The following USP48 variants were observed in gnomAD, a reference collection of about 807,000 sequenced individuals.
USP48 encodes ubiquitin specific peptidase 48.
In USP48, 43 loss-of-function variants were observed where a neutral mutation model predicts 150.7. The observed-to-expected ratio is 0.29, with a 90% CI of 0.22 to 0.37. The LOEUF (loss-of-function observed/expected upper bound fraction) is 0.37. Among genes scored for constraint, USP48 ranks in the 10% least tolerant of loss-of-function variants. The pLI is 1.00. For synonymous variants in USP48, 396 were observed against 425.9 expected (o/e 0.93, Z 0.86); for missense variants, 813 against 1,249.6 (o/e 0.65, Z 5.27).
Position 21,739,529 on chromosome 1 carries a change from A to C in USP48, c.992-2904T>G, listed in dbSNP as rs2097776476. ...GCAAGACTCCGTCTCAAAAAAAAAA[A>C]AAAAAAAAAAAAAAAAGACAAATAA... On this transcript the variant is annotated intron_variant, in intron 8 of 26. Transcript: ENST00000308271. Among the ~76,000 whole-genome samples the C allele has an allele frequency of 1.3e-5, 2 of 151,036 alleles. 1 individual carries two copies. Among genetic ancestry groups the C allele is most frequent in the Non-Finnish European group, 3.0e-5 (2 of 67,700 alleles).
intron 1 of USP48, among the ~76,000 whole-genome samples, chr1:21,776,770 A>G (rs1462191965): frequency 2.6e-5 from 4 of 152,070 alleles, no homozygotes; most frequent in Admixed American, 6.6e-5. Context: ...CCTGGCCAAT[A>G]TGGCAAAACC....
chr1:21,761,813 T>G (rs1485478190), intron 1 of USP48, among the ~76,000 whole-genome samples: 2 of 152,084 alleles, frequency 1.3e-5, no homozygotes, highest in Non-Finnish European at 2.9e-5. Context: ...TTCGACCAAT[T>G]TAAGAACAGT....
intron 20 of USP48, among the ~76,000 whole-genome samples, chr1:21,703,823 C>T (rs2097664479): frequency 6.6e-6 from 1 of 152,212 alleles, no homozygotes; most frequent in Non-Finnish European, 1.5e-5. Flanking sequence ...CCTCAAGCTT[C>T]TGGGCTCAAG....
chr1:21,682,094 TAAG>T (rs1367794527), intron 25 of USP48, among the ~76,000 whole-genome samples: 7 of 152,328 alleles, frequency 4.6e-5, no homozygotes, highest in East Asian at 1.9e-4. Flanking sequence ...ATTTAATGTT[TAAG>T]AAGAAGAACA....
Position 21,695,056 on chromosome 1 carries a change from T to C in USP48, c.2883+10A>G, listed in dbSNP as rs1268023078. On this transcript the variant is annotated intron_variant, in intron 23 of 26. Transcript: ENST00000308271. ...AGTCCAGAGCAAACTTGAACAAATG[T>C]TTCCCTCACCTGAATTTTCAATTCT... 6.2e-7 allele frequency: 1 copy of C among 1,606,160 alleles called. No homozygotes were observed. The highest frequency in any genetic ancestry group is 8.5e-7 in the Non-Finnish European group (1 of 1,177,176).
chr1:21,710,425 C>T (rs1322216428), intron 15 of USP48, among the ~76,000 whole-genome samples: 3 of 152,138 alleles, frequency 2.0e-5, no homozygotes, highest in African/African-American at 7.2e-5. Context: ...CAAAACAAAA[C>T]ACAGCCCATC....
intron 25 of USP48, among the ~76,000 whole-genome samples, chr1:21,684,256 C>G (rs189604063): frequency 4.6e-5 from 7 of 152,108 alleles, no homozygotes; most frequent in Admixed American, 2.0e-4. Flanking sequence ...ACCAAAAGTC[C>G]GTATAAGAGT....
intron 1 of USP48, among the ~76,000 whole-genome samples, chr1:21,767,362 G>C (rs1167099578): frequency 6.6e-6 from 1 of 152,076 alleles, no homozygotes; most frequent in Admixed American, 6.6e-5. Flanking sequence ...TGTTGCCCAG[G>C]CTAGAGTGCA....
rs1354601786 is a variant in USP48, at chr1:21,751,492, C to A, written c.774+15G>T. The A allele has an allele frequency of 6.3e-7, 1 of 1,599,396 alleles. No individual in the cohort carries two copies. Among genetic ancestry groups the A allele is most frequent in the Non-Finnish European group, 8.6e-7 (1 of 1,167,526 alleles). ...TTAATGGGCAGGAACAATACATACA[C>A]CAAAATTTGAATACCTTCAAAAATT... On this transcript the variant is annotated intron_variant, in intron 6 of 26. Coordinates refer to ENST00000308271, the MANE Select transcript of USP48 (RefSeq NM_032236.8).
chr1:21,747,094 C>A lies in USP48; in HGVS notation c.964G>T (p.Asp322Tyr), dbSNP rs1002298847. The A allele has an allele frequency of 6.2e-7, 1 of 1,611,982 alleles. No individual in the cohort carries two copies. Among genetic ancestry groups the A allele is most frequent in the African/African-American group, 1.3e-5 (1 of 74,864 alleles). Residue 322 changes from aspartate to tyrosine, a missense_variant, in exon 8 of 27, where the codon GAT (aspartate) becomes TAT (tyrosine). Coordinates refer to ENST00000308271, the MANE Select transcript of USP48 (RefSeq NM_032236.8). ...NTYIGFSEILDMEPYVEHKGG... is the reference protein window; with the variant it reads ...NTYIGFSEILYMEPYVEHKGG... ...TTATGTTCCACATAAGGCTCCATAT[C>A]CAAAATTTCTGAGAAGCCAATGTAG...
intron 8 of USP48, among the ~76,000 whole-genome samples, chr1:21,745,276 A>G (rs2097791932): frequency 6.6e-6 from 1 of 152,142 alleles, no homozygotes; most frequent in Non-Finnish European, 1.5e-5. Flanking sequence ...AAATGAGTAG[A>G]TAATATTTAT....
At chr1:21,779,875 T>A (rs1364943583) in intron 1 of USP48, among the ~76,000 whole-genome samples, 1 of 152,112 alleles carries the variant, frequency 6.6e-6, no homozygotes, top group Non-Finnish European at 1.5e-5. Context: ...ATGCATCACT[T>A]CACACCCAAG....
chr1:21,699,329 GC>G (rs1411430965), intron 22 of USP48, among the ~76,000 whole-genome samples: 30 of 150,118 alleles, frequency 2.0e-4, no homozygotes, highest in Non-Finnish European at 5.9e-5. Flanking sequence ...CTCTCGAGTA[GC>G]TGGGACTACA....
chr1:21,711,207 T>C (rs2097689238), intron 15 of USP48, among the ~76,000 whole-genome samples: 1 of 152,080 alleles, frequency 6.6e-6, no homozygotes, highest in Non-Finnish European at 1.5e-5. Context: ...AAAAATTAAC[T>C]CTAAGTTGGC....
chr1:21,709,942 C>T (rs1257361831), intron 15 of USP48, among the ~76,000 whole-genome samples: 1 of 151,850 alleles, frequency 6.6e-6, no homozygotes, highest in African/African-American at 2.4e-5. Flanking sequence ...ATAATTACTA[C>T]CATAGTAGTT....
intron 21 of USP48, among the ~76,000 whole-genome samples, chr1:21,701,907 C>T (rs1295657504): frequency 2.0e-5 from 3 of 152,132 alleles, no homozygotes; most frequent in Non-Finnish European, 4.4e-5. Context: ...TGCAGAAGTT[C>T]GAAGGTGCTT....
At position 21,721,160 on chromosome 1, in the gene USP48, A is replaced by G. The variant is rs2097719726; in HGVS notation, c.1770T>C (p.Asp590=). ...NLLKAAVKGS[D]GFWVGKSSLR... ...AGGAGGACTTCCCCACCCAAAATCC[A>G]TCGCTGCTGTGGAACAGAGAGAATG... Residue 590 remains aspartate (D), a synonymous_variant, in exon 14 of 27, where the codon GAT becomes GAC. Coordinates refer to ENST00000308271, the MANE Select transcript of USP48 (RefSeq NM_032236.8). The G allele has an allele frequency of 6.2e-7, 1 of 1,614,202 alleles. No homozygotes were observed. Among genetic ancestry groups the G allele is most frequent in the Non-Finnish European group, 8.5e-7 (1 of 1,180,020 alleles).
chr1:21,695,344 A>C (rs747493688), intron 22 of USP48, 123 bp from the exon 23 acceptor site: 1 of 1,035,432 alleles, frequency 9.7e-7, no homozygotes, highest in Non-Finnish European at 1.3e-6. Context: ...TTGAAATTCA[A>C]TGTAAACAAT....
intron 8 of USP48, among the ~76,000 whole-genome samples, chr1:21,746,303 C>T (rs2097794399): frequency 6.6e-6 from 1 of 152,074 alleles, no homozygotes; most frequent in Admixed American, 6.5e-5. Context: ...AGTTTGAGAC[C>T]AGCTTGGCCA....
Sources: allele counts gnomAD v4.1 joint callset (sites outside exome capture counted in the v4.1 genomes callset), GRCh38; gene constraint gnomAD v4.1.1; transcripts MANE v1.5; gene names NCBI Gene and HGNC (gene_info 2026-07-23, HGNC 2026-07-21).